The following NUP93 variants were observed in gnomAD, a reference collection of about 807,000 sequenced individuals.
The protein encoded by NUP93 is nucleoporin 93.
In NUP93, 55 loss-of-function variants were observed where a neutral mutation model predicts 107.8. The ratio of observed to expected loss-of-function variants is 0.51; its 90% CI spans 0.41 to 0.64. The LOEUF (loss-of-function observed/expected upper bound fraction) is 0.64. Among genes scored for constraint, NUP93 ranks in the 30% least tolerant of loss-of-function variants. The probability of loss-of-function intolerance (pLI) is 0.00; values close to 1 mark genes in which losing one functional copy is unlikely to be tolerated. For synonymous variants in NUP93, 390 were observed against 397.5 expected (o/e 0.98, Z 0.22); for missense variants, 937 against 1,044.7 (o/e 0.90, Z 1.42).
chr16:56,814,897 C>T lies in NUP93; in HGVS notation c.490-3767C>T, dbSNP rs139812541. ...ATTGGTGGCTTTCCCAGCCCTCAGG[C>T]AGTCCCTGGCTGTGGAATTCCAGCT... On this transcript the variant is annotated intron_variant, in intron 5 of 21. Transcript: ENST00000308159. Among the ~76,000 whole-genome samples the T allele has an allele frequency of 1.4e-3, 220 of 152,374 alleles. 1 individual carries two copies. Among genetic ancestry groups the T allele is most frequent in the African/African-American group, 4.9e-3 (202 of 41,584 alleles).
intron 5 of NUP93, among the ~76,000 whole-genome samples, chr16:56,815,536 G>A (rs62037017): frequency 4.6e-5 from 7 of 152,144 alleles, no homozygotes; most frequent in Admixed American, 1.3e-4. Flanking sequence ...TTTCTGAGGT[G>A]TCCATATCTG....
At chr16:56,810,776 C>T (rs1301871449) in intron 5 of NUP93, among the ~76,000 whole-genome samples, 1 of 151,904 alleles carries the variant, frequency 6.6e-6, no homozygotes, top group South Asian at 2.1e-4. Flanking sequence ...TCACCAGCGC[C>T]CCAGAAATCC....
At position 56,834,437 on chromosome 16, in the gene NUP93, C is replaced by G; in HGVS notation, c.1732C>G (p.Arg578Gly). 6.2e-7 allele frequency: 1 copy of G among 1,614,112 alleles called. No homozygotes were observed. The highest frequency in any genetic ancestry group is 8.5e-7 in the Non-Finnish European group (1 of 1,180,000). ...TGTGAGTGAGCTTGTGATTGAAAGCCGAGAGGTGAGTGGGTTTCCTTTTCT... is the reference window on the plus strand; with the variant it reads ...TGTGAGTGAGCTTGTGATTGAAAGCGGAGAGGTGAGTGGGTTTCCTTTTCT... ...RCVSELVIES[R>G]EFDMILGKLE... Residue 578 changes from arginine (R) to glycine (G), a missense_variant, in exon 15 of 22, where the codon CGA (arginine) becomes GGA (glycine). Transcript: ENST00000308159.
chr16:56,798,593 C>G, intron 4 of NUP93, 55 bp downstream of exon 4: 2 of 1,400,126 alleles, frequency 1.4e-6, no homozygotes, highest in East Asian at 2.3e-5. Context: ...GAGGGCTGGG[C>G]GTGGTGGCTC....
chr16:56,836,853 T>C, intron 17 of NUP93, 136 bp downstream of exon 17: 3 of 599,232 alleles, frequency 5.0e-6, no homozygotes, highest in Non-Finnish European at 8.9e-6. Flanking sequence ...CTTAGACAGT[T>C]AATGGTCCAG....
At chr16:56,749,884 A>G (rs1280364819) in intron 2 of NUP93, among the ~76,000 whole-genome samples, 4 of 152,180 alleles carry the variant, frequency 2.6e-5, no homozygotes, top group Non-Finnish European at 4.4e-5. Flanking sequence ...CTGCTTCCCT[A>G]CACTGCTTTC....
intron 16 of NUP93, among the ~76,000 whole-genome samples, chr16:56,835,281 A>T (rs1417970701): frequency 6.6e-6 from 1 of 152,242 alleles, no homozygotes; most frequent in African/African-American, 2.4e-5. Flanking sequence ...CAGGAGGGTC[A>T]GAGATCCTGT....
Position 56,848,902 on chromosome 16 carries a change from C to T in NUP93, c.*4293C>T, listed in dbSNP as rs1175856647. On this transcript the variant is annotated 3_prime_UTR_variant, in exon 22 of 22. Coordinates refer to ENST00000308159, the MANE Select transcript of NUP93 (RefSeq NM_014669.5). ...GGCTCGTTTTTTTCGTTTTTTTGTC[C>T]AGGATCACCTAAGTGAAGTACTCGT... 1 of 151,976 alleles carries T rather than the reference C, an allele frequency of 6.6e-6. No individual in the cohort carries two copies. The highest frequency in any genetic ancestry group is 1.5e-5 in the Non-Finnish European group (1 of 68,004). 9.4% of individuals were successfully genotyped at this position (151,976 alleles called of 1,614,324 possible).
chr16:56,828,893 C>A, intron 8 of NUP93, 84 bp from the exon 9 acceptor site: 5 of 1,410,690 alleles, frequency 3.5e-6, no homozygotes, highest in Non-Finnish European at 4.9e-6. Flanking sequence ...TTCCAAGCTA[C>A]AGTGTAATGT....
chr16:56,753,068 G>C (rs1395955276), intron 2 of NUP93, among the ~76,000 whole-genome samples: 2 of 152,154 alleles, frequency 1.3e-5, no homozygotes, highest in Non-Finnish European at 2.9e-5. Context: ...AAATTTATGA[G>C]TTTATGTACT....
At chr16:56,730,667 G>A (rs763232194) in intron 1 of NUP93, among the ~76,000 whole-genome samples, 1 of 152,170 alleles carries the variant, frequency 6.6e-6, no homozygotes, top group Non-Finnish European at 1.5e-5. Flanking sequence ...GGGTCTTTGG[G>A]GCGAGGGGAA....
intron 10 of NUP93, 155 bp from the exon 11 acceptor site, chr16:56,831,687 A>G (rs1463984096): frequency 1.6e-5 from 11 of 688,906 alleles, no homozygotes; most frequent in Non-Finnish European, 2.6e-5. Flanking sequence ...AAGCGATGGT[A>G]CCGAGGGGAG....
chr16:56,844,209 A>G (rs1270299224), intron 21 of NUP93, among the ~76,000 whole-genome samples: 2 of 152,170 alleles, frequency 1.3e-5, no homozygotes, highest in Non-Finnish European at 2.9e-5. Context: ...AGCTAGCCAA[A>G]TGTGTTGGGG....
At chr16:56,811,523 T>G (rs1356151217) in intron 5 of NUP93, among the ~76,000 whole-genome samples, 1 of 152,058 alleles carries the variant, frequency 6.6e-6, no homozygotes, top group African/African-American at 2.4e-5. Context: ...TTTTGTTTTT[T>G]TTTTTGAAAC....
At chr16:56,740,339 T>TC (rs1961706310) in intron 1 of NUP93, among the ~76,000 whole-genome samples, 1 of 146,264 alleles carries the variant, frequency 6.8e-6, no homozygotes, top group Non-Finnish European at 1.5e-5. Flanking sequence ...GCTCCTCACC[T>TC]CCCAGACGGG....
chr16:56,847,660 T>C lies in NUP93; in HGVS notation c.*3051T>C, dbSNP rs1964131654. On this transcript the variant is annotated 3_prime_UTR_variant, in exon 22 of 22. Coordinates refer to ENST00000308159, the MANE Select transcript of NUP93 (RefSeq NM_014669.5). ...CAACAACAACAGCAACAAAAAACTCTTTGACTCCCCAACTTCAGAGGGAAA... is the reference window on the plus strand; with the variant it reads ...CAACAACAACAGCAACAAAAAACTCCTTGACTCCCCAACTTCAGAGGGAAA... 1 of 152,204 alleles carries C rather than the reference T, an allele frequency of 6.6e-6. No homozygotes were observed. The highest frequency in any genetic ancestry group is 6.6e-5 in the Admixed American group (1 of 15,254). The allele number at this position is 152,204 out of a possible 1,614,324, so 9.4% of individuals were successfully genotyped here.
chr16:56,841,893 G>A (rs1246057665), intron 21 of NUP93, 60 bp downstream of exon 21: 11 of 1,597,590 alleles, frequency 6.9e-6, no homozygotes, highest in Admixed American at 1.7e-5. Context: ...TTTGGAATCC[G>A]TTGCGCTCTT....
At chr16:56,828,076 C>G (rs1302866460) in intron 8 of NUP93, among the ~76,000 whole-genome samples, 2 of 151,428 alleles carry the variant, frequency 1.3e-5, no homozygotes, top group African/African-American at 4.9e-5. Context: ...GAGCCAAGAT[C>G]ATGCCACTGC....
intron 6 of NUP93, among the ~76,000 whole-genome samples, chr16:56,819,524 C>CT (rs2144605900): frequency 6.6e-6 from 1 of 152,344 alleles, no homozygotes; most frequent in East Asian, 1.9e-4. Flanking sequence ...CTCCCAGATT[C>CT]TTTGAGGGGG....
Sources: gnomAD v4.1 joint callset for allele counts (sites outside exome capture counted in the v4.1 genomes callset) on GRCh38, gnomAD v4.1.1 for gene constraint, MANE v1.5 for transcripts, NCBI Gene and HGNC (gene_info 2026-07-23, HGNC 2026-07-21) for gene names.